SLC25A10: variants seen among roughly 807,000 people sequenced by gnomAD.
SLC25A10 encodes mitochondrial dicarboxylate carrier.
In SLC25A10, 32 loss-of-function variants were observed where a neutral mutation model predicts 40.4. The observed-to-expected ratio is 0.79, with a 90% CI of 0.60 to 1.06. SLC25A10 has a LOEUF of 1.06. SLC25A10 is among the 50% of genes least tolerant of loss of function. SLC25A10 has a pLI of 0.00. For missense variants in SLC25A10, 394 were observed against 402.6 expected, an observed-to-expected ratio of 0.98 and a Z score of 0.18; for synonymous variants, 181 against 171.1, an observed-to-expected ratio of 1.06 and a Z score of -0.45.
rs1359622596 is a variant in SLC25A10 at position 81,720,202 on chromosome 17, G to T, written c.*125G>T. ...CGTGGCCACCCGTCCTCCGCAGCAG[G>T]CCCCTGCTGTCCCCCCACCTGCTGG... On this transcript the variant is annotated 3_prime_UTR_variant, in exon 11 of 11. Transcript: ENST00000350690. The T allele has an allele frequency of 1.3e-6, 2 of 1,482,630 alleles. No homozygotes were observed. The highest frequency in any genetic ancestry group is 2.4e-5 in the East Asian group (1 of 41,066). The allele number at this position is 1,482,630 out of a possible 1,614,324, so 91.8% of individuals were successfully genotyped here.
chr17:81,717,533 C>T, intron 8 of SLC25A10, 42 bp downstream of exon 8: 6 of 1,605,760 alleles, frequency 3.7e-6, no homozygotes, highest in Non-Finnish European at 5.1e-6. Flanking sequence ...CCTGGGCCGG[C>T]CTTGGGCGCT....
At chr17:81,715,972 G>A in intron 4 of SLC25A10, 37 bp from the exon 5 acceptor site, 1 of 1,540,424 alleles carries the variant, frequency 6.5e-7, no homozygotes, top group Non-Finnish European at 8.8e-7. Flanking sequence ...ATGCCCCTCG[G>A]CCCGCCCGCC....
intron 6 of SLC25A10, 23 bp from the exon 7 acceptor site, chr17:81,716,955 GGCCTCACCCCTTGCCTCACCCCTT>G (rs749908120): frequency 6.3e-7 from 1 of 1,588,240 alleles, no homozygotes; most frequent in Non-Finnish European, 8.6e-7. Flanking sequence ...CCAGGTGCCT[GGCCTCACCCCTTGCCTCACCCCTT>G]GCCTCACCCC....
Position 81,720,233 on chromosome 17 carries a change from C to T in SLC25A10, c.*156C>T. On this transcript the variant is annotated 3_prime_UTR_variant, in exon 11 of 11. Transcript: ENST00000350690. ...GCTGTCCCCCCACCTGCTGGCTGAG[C>T]TCCTCCTGGCCTCGTCCCCTCTCAG... The T allele has an allele frequency of 6.9e-7, 1 of 1,455,362 alleles. No homozygotes were observed. Among genetic ancestry groups the T allele is most frequent in the Non-Finnish European group, 9.0e-7 (1 of 1,111,592 alleles). 90.2% of individuals were successfully genotyped at this position (1,455,362 alleles called of 1,614,324 possible). A position where few individuals can be genotyped will look rare whatever the true frequency, so the allele number is the denominator to read the frequency against.
chr17:81,720,168 C>T lies in SLC25A10; in HGVS notation c.*91C>T, dbSNP rs966781765. On this transcript the variant is annotated 3_prime_UTR_variant, in exon 11 of 11. Coordinates refer to ENST00000350690, the MANE Select transcript of SLC25A10 (RefSeq NM_012140.5). ...CAGCACCTGCTCCTGGGGCCACGAC[C>T]TCCCTGGCCGTGGCCACCCGTCCTC... is the stretch of plus-strand genomic sequence containing the variant. The T allele has an allele frequency of 3.9e-5, 61 of 1,559,216 alleles. No individual in the cohort carries two copies. Among genetic ancestry groups the T allele is most frequent in the Non-Finnish European group, 5.2e-5 (60 of 1,159,852 alleles).
chr17:81,714,737 C>T (rs1037284728), intron 1 of SLC25A10, among the ~76,000 whole-genome samples: 7 of 152,316 alleles, frequency 4.6e-5, no homozygotes, highest in South Asian at 2.1e-4. Flanking sequence ...GCGGGGCGCT[C>T]GCGGGGCTCG....
chr17:81,716,635 C>T (rs1040833641), intron 5 of SLC25A10, 177 bp from the exon 6 acceptor site: 6 of 633,478 alleles, frequency 9.5e-6, no homozygotes, highest in African/African-American at 3.7e-5. Context: ...CCGGGCGGGG[C>T]GGGCGAGGTG....
chr17:81,716,948 G>A (rs1476886182), intron 6 of SLC25A10, 54 bp from the exon 7 acceptor site: 4 of 1,174,948 alleles, frequency 3.4e-6, no homozygotes, highest in Admixed American at 2.4e-5. Context: ...ATTTGGGCCA[G>A]GTGCCTGGCC....
At chr17:81,713,559 A>T in intron 1 of SLC25A10, 1 of 902,920 alleles carries the variant, frequency 1.1e-6, no homozygotes, top group Non-Finnish European at 1.3e-6. Context: ...GTCCTGGGAG[A>T]GGCCTTCAGA....
chr17:81,716,815 C>T lies in SLC25A10; in HGVS notation c.423C>T (p.Tyr141=), dbSNP rs975276521. The part of the protein sequence containing the change: ...VKLPQGQRRN[Y]AHALDGLYRV... Reference sequence around the variant, plus strand: ...GGTCATTCTGTGTCCCCGGCAGCTACGCCCATGCGCTGGATGGCCTGTACC... The same window carrying T: ...GGTCATTCTGTGTCCCCGGCAGCTATGCCCATGCGCTGGATGGCCTGTACC... Residue 141 remains tyrosine (Y), a synonymous_variant, in exon 6 of 11, where the codon TAC becomes TAT. Transcript: ENST00000350690. The T allele has an allele frequency of 1.2e-5, 20 of 1,607,978 alleles. No homozygotes were observed. The highest frequency in any genetic ancestry group is 8.0e-5 in the African/African-American group (6 of 74,974).
At chr17:81,716,187 C>T (rs2037482812) in intron 5 of SLC25A10, 137 bp downstream of exon 5, 13 of 940,032 alleles carry the variant, frequency 1.4e-5, no homozygotes, top group East Asian at 1.1e-4. Context: ...AGGGTCCTGA[C>T]GGCTGTTCTG....
At chr17:81,715,438 G>T in intron 2 of SLC25A10, 40 bp from the exon 3 acceptor site, 1 of 1,548,840 alleles carries the variant, frequency 6.5e-7, no homozygotes, top group South Asian at 1.1e-5. Context: ...GAGGGGTGTG[G>T]GGCGTGCCCG....
At chr17:81,713,626 C>T (rs549701418) in intron 1 of SLC25A10, 4 of 333,700 alleles carry the variant, frequency 1.2e-5, no homozygotes, top group East Asian at 1.7e-4. Context: ...GACAGGAAGG[C>T]GCTGGCATGG....
Position 81,715,731 on chromosome 17 carries a change from G to T in SLC25A10, c.367G>T (p.Val123Phe). Reference protein sequence around the residue: ...GGFVGTPADLVNVRMQNDVKL... With the variant: ...GGFVGTPADLFNVRMQNDVKL... The stretch of plus-strand genomic sequence containing the variant: ...CTTCGTGGGGACGCCCGCAGACTTG[G>T]TCAACGTCAGGTTGGTGTTCCCCCA... The change falls in exon 4 of 11, where the codon GTC (valine) becomes TTC (phenylalanine). Residue 123 changes from valine (V) to phenylalanine (F), a missense_variant. Val to Phe is a conservative substitution (Grantham distance 50, BLOSUM62 -1). Coordinates refer to ENST00000350690, the MANE Select transcript of SLC25A10 (RefSeq NM_012140.5). 6.2e-7 allele frequency: 1 copy of T among 1,613,328 alleles called. No individual in the cohort carries two copies.
Position 81,716,841 on chromosome 17 carries a change from G to T in SLC25A10, c.449G>T (p.Arg150Leu). The T allele has an allele frequency of 1.2e-6, 2 of 1,611,086 alleles. No homozygotes were observed. Among genetic ancestry groups the T allele is most frequent in the African/African-American group, 1.3e-5 (1 of 75,036 alleles). The change falls in exon 6 of 11, where the codon CGC becomes CTC. Residue 150 changes from arginine to leucine, a missense_variant. Coordinates refer to ENST00000350690, the MANE Select transcript of SLC25A10 (RefSeq NM_012140.5). ...NYAHALDGLY[R>L]VAREEGLRRL... ...GCCCATGCGCTGGATGGCCTGTACC[G>T]CGTAGCTCGTGAAGGTGAGGGGCAG...
intron 1 of SLC25A10, among the ~76,000 whole-genome samples, chr17:81,714,371 G>A (rs531389462): frequency 2.0e-5 from 3 of 152,206 alleles, no homozygotes; most frequent in South Asian, 2.1e-4. Flanking sequence ...GACAGCCCCC[G>A]AGTGCCTGCC....
chr17:81,713,225 T>C (rs1158673847), intron 1 of SLC25A10: 6 of 152,228 alleles, frequency 3.9e-5, no homozygotes, highest in Non-Finnish European at 7.3e-5. Flanking sequence ...TTAATGCTTA[T>C]GGGGCAAAAT....
chr17:81,713,384 G>C, intron 1 of SLC25A10: 1 of 943,402 alleles, frequency 1.1e-6, no homozygotes, highest in Non-Finnish European at 1.3e-6. Flanking sequence ...GTGGTCACTG[G>C]GCAGCCGCCT....
Position 81,720,045 on chromosome 17 carries a change from C to T in SLC25A10, c.832C>T (p.Arg278Cys), listed in dbSNP as rs772338324. 35 of 1,613,480 alleles carry T rather than the reference C, an allele frequency of 2.2e-5. 1 individual carries two copies. Among genetic ancestry groups the T allele is most frequent in the South Asian group, 1.4e-4 (13 of 91,086 alleles). Residue 278 changes from arginine (R) to cysteine (C), a missense_variant, in exon 11 of 11, where the codon CGC becomes TGC. Physicochemically the swap from Arg to Cys is radical, Grantham distance 180. Transcript: ENST00000350690. Reference protein sequence around the residue: ...VLTFVFLEQLRKNFGIKVPS With the variant: ...VLTFVFLEQLCKNFGIKVPS ...CACTTTTGTGTTTCTGGAACAGCTA[C>T]GCAAAAACTTTGGCATCAAAGTGCC...
Sources: allele counts gnomAD v4.1 joint callset (sites outside exome capture counted in the v4.1 genomes callset), GRCh38; gene constraint gnomAD v4.1.1; transcripts MANE v1.5; gene names NCBI Gene and HGNC (gene_info 2026-07-23, HGNC 2026-07-21).